CLIP1: variants seen among roughly 807,000 people sequenced by gnomAD.
CLIP1 encodes CAP-Gly domain containing linker protein 1.
A neutral mutation model predicts 161.6 loss-of-function variants in CLIP1; 66 were observed. The ratio of observed to expected loss-of-function variants is 0.41; its 90% CI spans 0.33 to 0.50. The LOEUF is 0.50. CLIP1 is among the 20% of genes least tolerant of loss of function. The pLI is 0.27. For missense variants in CLIP1, 1,376 were observed against 1,702.0 expected (o/e 0.81, Z 3.37); for synonymous variants, 598 against 626.2 (o/e 0.96, Z 0.67).
chr12:122,288,567 A>G, intron 20 of CLIP1, 26 bp from the exon 21 acceptor site: 1 of 1,597,332 alleles, frequency 6.3e-7, no homozygotes, highest in Non-Finnish European at 8.5e-7. Context: ...AAAAAACTTC[A>G]GTTCATAACC....
intron 15 of CLIP1, 95 bp downstream of exon 15, chr12:122,332,892 A>T: frequency 1.0e-6 from 1 of 986,852 alleles, no homozygotes; most frequent in Admixed American, 2.7e-5. Context: ...AAACTTTAAA[A>T]CGTAACAATC....
intron 19 of CLIP1, among the ~76,000 whole-genome samples, chr12:122,314,216 G>A (rs1160067148): frequency 2.0e-5 from 3 of 151,470 alleles, no homozygotes; most frequent in Admixed American, 6.6e-5. Flanking sequence ...GCTTCAACCC[G>A]GGAGGCGGAG....
intron 12 of CLIP1, 136 bp from the exon 13 acceptor site, chr12:122,334,841 C>T (rs1952141834): frequency 1.4e-5 from 9 of 640,682 alleles, no homozygotes; most frequent in Non-Finnish European, 2.5e-5. Context: ...ACACCTCAAA[C>T]ATATGACACC....
chr12:122,355,181 G>A lies in CLIP1; in HGVS notation c.1137C>T (p.Ala379=), dbSNP rs1226179509. ...TCTCCCCCACGTGGCTCGTGGCCTTGGCCACCTCCGCCCTCTCCAGATCCC... is the reference window on the plus strand; with the variant it reads ...TCTCCCCCACGTGGCTCGTGGCCTTAGCCACCTCCGCCCTCTCCAGATCCC... The part of the protein sequence containing the change: ...AERDLERAEV[A]KATSHVGEIE... The change falls in exon 6 of 26, where the codon GCC becomes GCT. Residue 379 remains alanine, a synonymous_variant. Coordinates refer to ENST00000620786, the MANE Select transcript of CLIP1 (RefSeq NM_001247997.2). The surrounding 1 kb of genome is among the most constrained non-coding windows in gnomAD (Gnocchi z 4.1). The A allele has an allele frequency of 1.2e-6, 2 of 1,614,180 alleles. No individual in the cohort carries two copies. Among genetic ancestry groups the A allele is most frequent in the Non-Finnish European group, 1.7e-6 (2 of 1,180,026 alleles).
At chr12:122,330,080 G>A (rs149573758) in intron 15 of CLIP1, among the ~76,000 whole-genome samples, 10 of 152,102 alleles carry the variant, frequency 6.6e-5, no homozygotes, top group South Asian at 2.1e-4. Context: ...TCACACCATC[G>A]CACTCCAGCC....
chr12:122,289,818 T>TTCTTTC (rs1246232344), intron 20 of CLIP1, among the ~76,000 whole-genome samples: 1 of 151,946 alleles, frequency 6.6e-6, no homozygotes, highest in African/African-American at 2.4e-5. Context: ...TTTTTTTTTT[T>TTCTTTC]TTCTTTTTTG....
rs147340772 is a variant in CLIP1 at position 122,304,592 on chromosome 12, C to T, written c.3594+5170G>A. Among the ~76,000 whole-genome samples the T allele has an allele frequency of 4.8e-3, 730 of 152,296 alleles. 10 individuals carry two copies. Among genetic ancestry groups the T allele is most frequent in the African/African-American group, 0.017 (688 of 41,562 alleles). Reference sequence around the variant, plus strand: ...TCTCAGCTAGTCTCGAACTCCTGACCTCAGGTGATCTGTCTGCCTCAGCCT... The same window carrying T: ...TCTCAGCTAGTCTCGAACTCCTGACTTCAGGTGATCTGTCTGCCTCAGCCT... On this transcript the variant is annotated intron_variant, in intron 20 of 25. Transcript: ENST00000620786.
rs1028818537 is a variant in CLIP1 at position 122,334,699 on chromosome 12, T to C, written c.2575A>G (p.Lys859Glu). ...GCCTCCTCTGAAGCTTCAGCAAACT[T>C]TTCTTTCTAAAGAAAAAGAATGAGA... ...LEKELQILKE[K>E]FAEASEEAVS... Residue 859 changes from lysine to glutamate, a missense_variant, in exon 13 of 26, where the codon AAG becomes GAG. Physicochemically the swap from Lys to Glu is moderately conservative, Grantham distance 56. This residue lies in a region of CLIP1 where 948 missense variants were observed against 1,134.8 expected (regional missense o/e 0.84). Transcript: ENST00000620786. The C allele has an allele frequency of 1.3e-5, 20 of 1,572,304 alleles. No homozygotes were observed. The highest frequency in any genetic ancestry group is 1.7e-5 in the Non-Finnish European group (20 of 1,154,422).
chr12:122,409,688 C>A (rs1488067955), intron 1 of CLIP1, among the ~76,000 whole-genome samples: 8 of 148,550 alleles, frequency 5.4e-5, no homozygotes, highest in Admixed American at 2.0e-4. Flanking sequence ...CCTGCCACCA[C>A]CCCCAGCTAG....
At chr12:122,329,299 C>T (rs573071131) in intron 15 of CLIP1, among the ~76,000 whole-genome samples, 15 of 151,904 alleles carry the variant, frequency 9.9e-5, no homozygotes, top group Non-Finnish European at 1.8e-4. Flanking sequence ...TGCAGTCCAG[C>T]CTGGGCAACA....
chr12:122,332,923 C>G (rs1182096390), intron 15 of CLIP1, 64 bp downstream of exon 15: 97 of 1,371,726 alleles, frequency 7.1e-5, no homozygotes, highest in Non-Finnish European at 9.0e-5. Context: ...TGTCTCCCCT[C>G]CCACCTAGAG....
At chr12:122,290,537 A>G (rs1472472946) in intron 20 of CLIP1, among the ~76,000 whole-genome samples, 1 of 152,220 alleles carries the variant, frequency 6.6e-6, no homozygotes, top group African/African-American at 2.4e-5. Flanking sequence ...TATAATTTAA[A>G]AGTTAAAAAA....
At chr12:122,320,811 G>T (rs1951470233) in intron 17 of CLIP1, among the ~76,000 whole-genome samples, 4 of 151,190 alleles carry the variant, frequency 2.6e-5, no homozygotes, top group Admixed American at 2.6e-4. Context: ...CCTGGTTCAA[G>T]TGATTCTCCT....
intron 9 of CLIP1, 59 bp downstream of exon 9, chr12:122,351,052 A>C: frequency 1.6e-6 from 2 of 1,282,644 alleles, no homozygotes; most frequent in East Asian, 2.5e-5. Flanking sequence ...TAAGCATTTT[A>C]ATCTGTGATC....
At chr12:122,324,151 C>A (rs1951622264) in intron 17 of CLIP1, 1 of 152,610 alleles carries the variant, frequency 6.6e-6, no homozygotes, top group South Asian at 2.1e-4. Flanking sequence ...CTAAGAATTT[C>A]TCCTTTTCTA....
chr12:122,334,163 C>A, intron 13 of CLIP1, 53 bp from the exon 14 acceptor site: 1 of 1,143,744 alleles, frequency 8.7e-7, no homozygotes, highest in Non-Finnish European at 1.3e-6. Context: ...AATAAGCTAT[C>A]TGGAGCTTGG....
At chr12:122,411,583 CAGATGCATGCCACA>C (rs1956536336) in intron 1 of CLIP1, among the ~76,000 whole-genome samples, 1 of 152,140 alleles carries the variant, frequency 6.6e-6, no homozygotes, top group Admixed American at 6.6e-5. Flanking sequence ...GAATCAAGGG[CAGATGCATGCCACA>C]ACATGGAGGA....
At chr12:122,281,454 A>AG (rs1181708126) in intron 21 of CLIP1, among the ~76,000 whole-genome samples, 2 of 152,126 alleles carry the variant, frequency 1.3e-5, no homozygotes, top group East Asian at 3.8e-4. Flanking sequence ...TGGGAGGCCA[A>AG]GGCAGGAGGA....
intron 19 of CLIP1, among the ~76,000 whole-genome samples, chr12:122,313,264 T>A (rs1192204338): frequency 6.6e-6 from 1 of 152,164 alleles, no homozygotes; most frequent in Non-Finnish European, 1.5e-5. Flanking sequence ...TGCCCTGGGA[T>A]CCGGTCCCTC....
Sources: gnomAD v4.1 joint callset for allele counts (sites outside exome capture counted in the v4.1 genomes callset) on GRCh38, gnomAD v4.1.1 for gene constraint, gnomAD v4.1.1 regional missense constraint, Gnocchi (gnomAD v3.1) non-coding constraint, MANE v1.5 for transcripts, NCBI Gene and HGNC (gene_info 2026-07-23, HGNC 2026-07-21) for gene names.